PLCG2: variants seen among roughly 807,000 people sequenced by gnomAD.
PLCG2 encodes phospholipase C gamma 2.
In PLCG2, 69 loss-of-function variants were observed where a neutral mutation model predicts 175.6. That is an observed-to-expected ratio of 0.39 (90% CI 0.32 to 0.48). The LOEUF (loss-of-function observed/expected upper bound fraction) is 0.48. PLCG2 is among the 20% of genes least tolerant of loss of function. PLCG2 has a pLI of 0.91. For missense variants in PLCG2, 1,798 were observed against 1,650.9 expected (o/e 1.09, Z -1.54); for synonymous variants, 827 against 624.0 (o/e 1.33, Z -4.85).
chr16:81,840,951 G>A (rs1412836559), intron 2 of PLCG2, among the ~76,000 whole-genome samples: 1 of 152,202 alleles, frequency 6.6e-6, no homozygotes, highest in Non-Finnish European at 1.5e-5. Flanking sequence ...TCCCAGAGGG[G>A]AGAGAAGCAC....
intron 9 of PLCG2, among the ~76,000 whole-genome samples, chr16:81,884,226 C>T (rs999323790): frequency 2.4e-4 from 36 of 152,174 alleles, no homozygotes; most frequent in Admixed American, 3.9e-4. Flanking sequence ...TGGTGGGTGC[C>T]TGTAATCCCA....
rs1157967040 is a variant in PLCG2, at chr16:81,961,915, G to A, written c.*3917G>A. 1 of 198,736 alleles carries A rather than the reference G, an allele frequency of 5.0e-6. No homozygotes were observed. Among genetic ancestry groups the A allele is most frequent in the African/African-American group, 2.3e-5 (1 of 43,376 alleles). The allele number at this position is 198,736 out of a possible 1,614,324, so 12.3% of individuals were successfully genotyped here. ...AGAGTATCTGAGCATAAAATGTTAAGATTGCTGATCGGATGTGAGGGCGAT... is the reference window on the plus strand; with the variant it reads ...AGAGTATCTGAGCATAAAATGTTAAAATTGCTGATCGGATGTGAGGGCGAT... On this transcript the variant is annotated 3_prime_UTR_variant, in exon 33 of 33. Coordinates refer to ENST00000564138, the MANE Select transcript of PLCG2 (RefSeq NM_002661.5).
intron 2 of PLCG2, among the ~76,000 whole-genome samples, chr16:81,802,654 C>A (rs1297674960): frequency 6.6e-6 from 1 of 151,994 alleles, no homozygotes; most frequent in Non-Finnish European, 1.5e-5. Context: ...TCACTACAAC[C>A]TCTGCCTCCC....
chr16:81,854,549 A>G lies in PLCG2; in HGVS notation c.299A>G (p.Tyr100Cys), dbSNP rs1906585860. Reference protein sequence around the residue: ...QKEDCCFTILYGTQFVLSTLS... With the variant: ...QKEDCCFTILCGTQFVLSTLS... ...GAAGACTGCTGCTTCACCATCCTAT[A>G]TGGCACTCAGTTCGTCCTCAGCACG... The change falls in exon 3 of 33, where the codon TAT becomes TGT. Residue 100 changes from tyrosine (Y) to cysteine (C), a missense_variant. By Grantham distance (194) the Tyr-to-Cys change is radical (BLOSUM62 -2). Transcript: ENST00000564138. The G allele has an allele frequency of 1.2e-6, 2 of 1,614,072 alleles. No individual in the cohort carries two copies. Among genetic ancestry groups the G allele is most frequent in the Non-Finnish European group, 1.7e-6 (2 of 1,179,928 alleles).
rs1231497380 is a variant in PLCG2 at position 81,921,147 on chromosome 16, C to T, written c.2236-51C>T. ...CTAGAACCCTTGTTATATGTAAGGG[C>T]TATTCCAGGAGCATGGATTATTCCA... On this transcript the variant is annotated intron_variant, in intron 20 of 32. Transcript: ENST00000564138. The T allele has an allele frequency of 2.7e-6, 3 of 1,103,712 alleles. No individual in the cohort carries two copies. In the Admixed American group the frequency reaches 5.1e-5, roughly 19 times the overall value. 68.4% of individuals were successfully genotyped at this position (1,103,712 alleles called of 1,614,324 possible). A position where few individuals can be genotyped will look rare whatever the true frequency, so the allele number is the denominator to read the frequency against.
chr16:81,860,781 G>A (rs889213652), intron 5 of PLCG2, among the ~76,000 whole-genome samples: 3 of 152,032 alleles, frequency 2.0e-5, no homozygotes, highest in African/African-American at 7.2e-5. Context: ...GACCAGCCTG[G>A]GCAACACGGT....
At chr16:81,891,987 A>T (rs1389333858) in intron 11 of PLCG2, among the ~76,000 whole-genome samples, 1 of 152,152 alleles carries the variant, frequency 6.6e-6, no homozygotes, top group Non-Finnish European at 1.5e-5. Context: ...GGAGCTGGGG[A>T]TGTGGCTGTG....
intron 8 of PLCG2, among the ~76,000 whole-genome samples, chr16:81,882,805 C>G (rs942144541): frequency 3.9e-5 from 6 of 152,108 alleles, no homozygotes; most frequent in African/African-American, 1.4e-4. Flanking sequence ...TCCCACCTCA[C>G]TCTCTGGAGC....
At chr16:81,798,955 C>T (rs1025495097) in intron 2 of PLCG2, 1 of 152,428 alleles carries the variant, frequency 6.6e-6, no homozygotes, top group Non-Finnish European at 1.5e-5. Flanking sequence ...CCACCAGCCT[C>T]CACCAGTGGG....
intron 31 of PLCG2, among the ~76,000 whole-genome samples, chr16:81,950,114 G>C (rs969208549): frequency 2.6e-5 from 4 of 152,186 alleles, no homozygotes; most frequent in Non-Finnish European, 5.9e-5. Flanking sequence ...AAAATGTGTA[G>C]TAATTGAAGT....
rs2143490884 is a variant in PLCG2 at position 81,859,157 on chromosome 16, G to A, written c.473G>A (p.Arg158Lys). The change falls in exon 5 of 33, where the codon AGA becomes AAA. Residue 158 changes from arginine to lysine, a missense_variant. By Grantham distance (26) the Arg-to-Lys change is conservative. Coordinates refer to ENST00000564138, the MANE Select transcript of PLCG2 (RefSeq NM_002661.5). Reference protein sequence around the residue: ...KQIYSVDQTRRNSISLRELKT... With the variant: ...KQIYSVDQTRKNSISLRELKT... ...ATATATTCTGTGGATCAAACCAGAA[G>A]AAACAGGTAAGAGTCATTCAGTTTT... 6.3e-7 allele frequency: 1 copy of A among 1,591,016 alleles called. No homozygotes were observed. Among genetic ancestry groups the A allele is most frequent in the Non-Finnish European group, 8.6e-7 (1 of 1,158,946 alleles).
chr16:81,929,308 C>T (rs56731562), intron 24 of PLCG2, among the ~76,000 whole-genome samples: 7,689 of 152,240 alleles, frequency 0.051, 632 homozygotes, highest in African/African-American at 0.17. Flanking sequence ...TGGGCAGGCA[C>T]GGGCATGCTC....
At chr16:81,814,353 G>A (rs544988551) in intron 2 of PLCG2, among the ~76,000 whole-genome samples, 1 of 152,152 alleles carries the variant, frequency 6.6e-6, no homozygotes, top group Non-Finnish European at 1.5e-5. Context: ...GAATGTTTAG[G>A]AGTGGAGGAT....
intron 1 of PLCG2, among the ~76,000 whole-genome samples, chr16:81,785,265 G>A (rs1469837799): frequency 6.6e-6 from 1 of 152,118 alleles, no homozygotes; most frequent in Non-Finnish European, 1.5e-5. Flanking sequence ...CAGGTGCTTT[G>A]CTGGGGCATT....
intron 2 of PLCG2, among the ~76,000 whole-genome samples, chr16:81,802,102 T>TTTTTC (rs1911751576): frequency 1.8e-5 from 1 of 55,074 alleles, no homozygotes; most frequent in East Asian, 4.5e-4. Context: ...TCTTTTTTTT[T>TTTTTC]TTTTTTTTTT....
chr16:81,937,916 C>T lies in PLCG2; in HGVS notation c.3198+13C>T, dbSNP rs745509265. On this transcript the variant is annotated intron_variant, in intron 28 of 32. Transcript: ENST00000564138. ...GCTGACAGTCAAGGTAAAGCCAGCC[C>T]TCCCTTCCTGCCAGGGGAGCCAGCC... 1.9e-5 allele frequency: 31 copies of T among 1,613,290 alleles called. No homozygotes were observed. The highest frequency in any genetic ancestry group is 2.3e-5 in the Non-Finnish European group (27 of 1,179,556).
At chr16:81,922,775 C>A (rs150903599) in intron 21 of PLCG2, among the ~76,000 whole-genome samples, 3 of 152,214 alleles carry the variant, frequency 2.0e-5, no homozygotes, top group African/African-American at 4.8e-5. Flanking sequence ...GAGCTTTTCC[C>A]ACTAACATTT....
chr16:81,848,414 C>G (rs917989502), intron 2 of PLCG2, among the ~76,000 whole-genome samples: 1 of 152,156 alleles, frequency 6.6e-6, no homozygotes, highest in African/African-American at 2.4e-5. Flanking sequence ...TGCGGATGTG[C>G]AGGGCTGCTT....
intron 31 of PLCG2, among the ~76,000 whole-genome samples, chr16:81,956,404 G>C (rs560473714): frequency 2.0e-5 from 3 of 152,236 alleles, no homozygotes; most frequent in African/African-American, 7.2e-5. Context: ...AAGGAAAACC[G>C]GGTTAGATTA....
Sources: gnomAD v4.1 joint callset for allele counts (sites outside exome capture counted in the v4.1 genomes callset) on GRCh38, gnomAD v4.1.1 for gene constraint, MANE v1.5 for transcripts, NCBI Gene and HGNC (gene_info 2026-07-23, HGNC 2026-07-21) for gene names.